CAMTA1: variants seen among roughly 807,000 people sequenced by gnomAD.
The protein encoded by CAMTA1 is calmodulin binding transcription activator 1.
A neutral mutation model predicts 170.9 loss-of-function variants in CAMTA1; 27 were observed. The observed-to-expected ratio is 0.16, with a 90% CI of 0.12 to 0.22. The LOEUF (loss-of-function observed/expected upper bound fraction) is 0.22. Ranked by LOEUF, CAMTA1 falls within the 10% of genes least tolerant of loss-of-function variation. The pLI is 1.00. For missense variants in CAMTA1, 1,619 were observed against 2,217.2 expected (o/e 0.73, Z 5.42); for synonymous variants, 833 against 891.5 (o/e 0.93, Z 1.17).
intron 3 of CAMTA1, among the ~76,000 whole-genome samples, chr1:7,016,574 C>T (rs1034187757): frequency 6.6e-6 from 1 of 152,226 alleles, no homozygotes; most frequent in African/African-American, 2.4e-5. Flanking sequence ...TGGCTCATGC[C>T]TGTAATCCCA....
At chr1:7,538,755 C>T (rs970355923) in intron 6 of CAMTA1, among the ~76,000 whole-genome samples, 3 of 152,308 alleles carry the variant, frequency 2.0e-5, no homozygotes, top group South Asian at 2.1e-4. Flanking sequence ...AGAGGTAGGG[C>T]GTGTGACCAG....
At chr1:7,410,330 C>T (rs533382809) in intron 5 of CAMTA1, among the ~76,000 whole-genome samples, 2 of 152,300 alleles carry the variant, frequency 1.3e-5, no homozygotes, top group East Asian at 3.9e-4. Flanking sequence ...GGCAGAGCTG[C>T]CCCCTGAGCT....
Position 7,732,104 on chromosome 1 carries a change from A to T in CAMTA1, c.2915-344A>T, listed in dbSNP as rs984701353. Among the ~76,000 whole-genome samples the T allele has an allele frequency of 1.4e-5, 2 of 140,906 alleles. No individual in the cohort carries two copies. Among genetic ancestry groups the T allele is most frequent in the African/African-American group, 5.3e-5 (2 of 37,834 alleles). 92.4% of individuals were successfully genotyped at this position (140,906 alleles called of 152,430 possible). Reference sequence around the variant, plus strand: ...AATTTAAATTGTATTTATTTATTTTACTTGCTCTAGAGGGCTCTCTACCAG... The same window carrying T: ...AATTTAAATTGTATTTATTTATTTTTCTTGCTCTAGAGGGCTCTCTACCAG... On this transcript the variant is annotated intron_variant, in intron 11 of 22. Coordinates refer to ENST00000303635, the MANE Select transcript of CAMTA1 (RefSeq NM_015215.4). This position sits in a 1 kb window ranked among gnomAD's most constrained non-coding sequence, Gnocchi z 4.1.
intron 5 of CAMTA1, among the ~76,000 whole-genome samples, chr1:7,398,154 G>GCTCCCTCT (rs1553156191): frequency 3.8e-5 from 1 of 26,264 alleles, no homozygotes. Flanking sequence ...TAATAATATT[G>GCTCCCTCT]CTCTCTCTCT....
rs139901805 is a variant in CAMTA1 at position 7,727,584 on chromosome 1, T to G, written c.2915-4864T>G. ...CAGTGAATATTTGTGCATGAATAAGTGAATCTTTCAAATGTACTTATTTAC... is the reference window on the plus strand; with the variant it reads ...CAGTGAATATTTGTGCATGAATAAGGGAATCTTTCAAATGTACTTATTTAC... On this transcript the variant is annotated intron_variant, in intron 11 of 22. Coordinates refer to ENST00000303635, the MANE Select transcript of CAMTA1 (RefSeq NM_015215.4). Among the ~76,000 whole-genome samples the G allele has an allele frequency of 4.0e-3, 610 of 152,350 alleles. 6 individuals carry two copies. The highest frequency in any genetic ancestry group is 0.013 in the African/African-American group (551 of 41,572).
intron 5 of CAMTA1, among the ~76,000 whole-genome samples, chr1:7,420,427 T>TGG (rs1302387040): frequency 6.6e-6 from 1 of 152,164 alleles, no homozygotes; most frequent in African/African-American, 2.4e-5. Flanking sequence ...TGGAGCTTCG[T>TGG]GGGGCCACAT....
At chr1:7,091,518 C>A (rs1641462755) in intron 4 of CAMTA1, 147 bp downstream of exon 4, 2 of 675,810 alleles carry the variant, frequency 3.0e-6, no homozygotes, top group East Asian at 2.7e-5. Context: ...AGGTCTCATT[C>A]ATTGACATAA....
At chr1:6,990,264 A>ACTGCTTTAG (rs1210084987) in intron 3 of CAMTA1, among the ~76,000 whole-genome samples, 5 of 152,218 alleles carry the variant, frequency 3.3e-5, no homozygotes, top group Non-Finnish European at 7.3e-5. Context: ...TCCTTTAAAT[A>ACTGCTTTAG]CTGCTTTAGC....
intron 6 of CAMTA1, among the ~76,000 whole-genome samples, chr1:7,558,024 C>G (rs1237949950): frequency 6.6e-6 from 1 of 152,188 alleles, no homozygotes; most frequent in African/African-American, 2.4e-5. Context: ...CTCGCCTCTG[C>G]CATTCCCGGC....
intron 1 of CAMTA1, among the ~76,000 whole-genome samples, chr1:6,795,365 T>C (rs1017210588): frequency 6.7e-6 from 1 of 150,118 alleles, no homozygotes; most frequent in African/African-American, 2.4e-5. Context: ...GTTTTTTTTT[T>C]CTCTTTTTCG....
chr1:7,188,567 T>G (rs1481295163), intron 4 of CAMTA1, among the ~76,000 whole-genome samples: 1 of 152,238 alleles, frequency 6.6e-6, no homozygotes, highest in African/African-American at 2.4e-5. Context: ...CATACAAGTA[T>G]TTGTCCTTTT....
intron 3 of CAMTA1, among the ~76,000 whole-genome samples, chr1:7,072,115 C>A (rs774559619): frequency 6.6e-6 from 1 of 152,232 alleles, no homozygotes; most frequent in South Asian, 2.1e-4. Context: ...CAATGCTGAC[C>A]TATCCCAGCT....
chr1:7,141,873 T>C (rs1300134243), intron 4 of CAMTA1, among the ~76,000 whole-genome samples: 1 of 152,186 alleles, frequency 6.6e-6, no homozygotes, highest in Admixed American at 6.6e-5. Context: ...ATGGAACTTA[T>C]GGATCATCTC....
At chr1:7,595,824 C>A (rs754097315) in intron 6 of CAMTA1, among the ~76,000 whole-genome samples, 4 of 152,178 alleles carry the variant, frequency 2.6e-5, no homozygotes, top group Non-Finnish European at 4.4e-5. Flanking sequence ...ATGGCCCTGG[C>A]GGAACCCCCC....
intron 5 of CAMTA1, among the ~76,000 whole-genome samples, chr1:7,285,081 C>G (rs1672166255): frequency 6.6e-6 from 1 of 152,198 alleles, no homozygotes; most frequent in Non-Finnish European, 1.5e-5. Flanking sequence ...GGTCCGGCGG[C>G]CCCAGTGGCC....
chr1:7,734,723 A>G (rs1295100733), intron 12 of CAMTA1, among the ~76,000 whole-genome samples: 2 of 152,162 alleles, frequency 1.3e-5, no homozygotes, highest in African/African-American at 2.4e-5. Flanking sequence ...TGAGATAACA[A>G]TCCCATCATC....
chr1:7,612,444 A>G (rs1313328474), intron 6 of CAMTA1, among the ~76,000 whole-genome samples: 5 of 152,048 alleles, frequency 3.3e-5, no homozygotes, highest in Non-Finnish European at 7.4e-5. Flanking sequence ...CTGTCTGTGG[A>G]TCCTGGAGCT....
intron 11 of CAMTA1, among the ~76,000 whole-genome samples, chr1:7,700,365 T>C (rs1406933169): frequency 6.6e-6 from 1 of 152,244 alleles, no homozygotes; most frequent in African/African-American, 2.4e-5. Context: ...AAAGATATAC[T>C]GAATATGCAT....
chr1:7,117,875 C>T (rs1261503469), intron 4 of CAMTA1, among the ~76,000 whole-genome samples: 1 of 152,186 alleles, frequency 6.6e-6, no homozygotes, highest in Admixed American at 6.5e-5. Context: ...CCTGCTGTCC[C>T]TACCAGGCCT....
Sources: gnomAD v4.1 joint callset for allele counts (sites outside exome capture counted in the v4.1 genomes callset) on GRCh38, gnomAD v4.1.1 for gene constraint, Gnocchi (gnomAD v3.1) non-coding constraint, MANE v1.5 for transcripts, NCBI Gene and HGNC (gene_info 2026-07-23, HGNC 2026-07-21) for gene names.